The following TRIM36 variants were observed in gnomAD, a reference collection of about 807,000 sequenced individuals.
TRIM36 encodes tripartite motif containing 36, also known as E3 ubiquitin-protein ligase TRIM36.
Under a neutral mutation model 72.4 loss-of-function variants are expected in TRIM36, and 42 were observed. The ratio of observed to expected loss-of-function variants is 0.58; its 90% confidence interval spans 0.45 to 0.75. TRIM36 has a LOEUF of 0.75. Among genes scored for constraint, TRIM36 ranks in the 30% least tolerant of loss-of-function variants. The pLI, the probability that TRIM36 is intolerant of heterozygous loss-of-function variation, is 0.00. For synonymous variants in TRIM36, 315 were observed against 282.8 expected, an observed-to-expected ratio of 1.11 and a Z score of -1.14; for missense variants, 913 against 857.1, an observed-to-expected ratio of 1.07 and a Z score of -0.81.
chr5:115,143,137 G>A (rs1162259368), intron 4 of TRIM36, among the ~76,000 whole-genome samples: 3 of 142,128 alleles, frequency 2.1e-5, no homozygotes, highest in African/African-American at 8.0e-5. Context: ...CCAAGCCCAG[G>A]CAAAGAATCA....
rs115865524 is a variant in TRIM36, at chr5:115,166,688, G to A, written c.27+2920C>T. 9.8e-3 allele frequency among the ~76,000 whole-genome samples: 1,500 copies of A among 152,322 alleles called. 24 individuals are homozygous for A. Among genetic ancestry groups the A allele is most frequent in the African/African-American group, 0.034 (1,424 of 41,564 alleles). On this transcript the variant is annotated intron_variant, in intron 1 of 9. Transcript: ENST00000513154. ...TGCTGCTCGCCATGTTGTGGGTGAC[G>A]ATGAGGAGACAAGAGAGGAGAGAAG...
At chr5:115,159,734 T>C (rs563515152) in intron 2 of TRIM36, 1 of 434,822 alleles carries the variant, frequency 2.3e-6, no homozygotes, top group South Asian at 1.7e-5. Flanking sequence ...TCACAACTTG[T>C]TAACAAAAGA....
chr5:115,177,984 TA>T (rs1755422192), intron 1 of TRIM36: 1 of 1,117,454 alleles, frequency 8.9e-7, no homozygotes, highest in Non-Finnish European at 1.3e-6. Flanking sequence ...AACCCATTGG[TA>T]TTCTGAGAGG....
At position 115,151,359 on chromosome 5, in the gene TRIM36, G is replaced by A. The variant is rs552447890; in HGVS notation, c.263-3965C>T. ...CTGGAAACCTCATCCCCCAATCCCCGCAGCAGCTGCAGCAAGAGCTGCTCA... is the reference window on the plus strand; with the variant it reads ...CTGGAAACCTCATCCCCCAATCCCCACAGCAGCTGCAGCAAGAGCTGCTCA... On this transcript the variant is annotated intron_variant, in intron 2 of 9. Coordinates refer to ENST00000513154, the MANE Select transcript of TRIM36 (RefSeq NM_001300759.2). Among the ~76,000 whole-genome samples the A allele has an allele frequency of 5.9e-5, 9 of 152,190 alleles. No homozygotes were observed. In the South Asian group the frequency reaches 6.2e-4, roughly 11 times the overall value.
upstream of TRIM36, among the ~76,000 whole-genome samples, chr5:115,172,453 A>G (rs1272349625): frequency 6.6e-6 from 1 of 152,226 alleles, no homozygotes; most frequent in Non-Finnish European, 1.5e-5. Context: ...TTTCTAAAAT[A>G]TAATGTGTGC....
Position 115,169,633 on chromosome 5 carries a change from ATGGC to A in TRIM36, c.-3_1del. On this transcript the variant is annotated start_lost and start_retained_variant and 5_prime_UTR_variant, in exon 1 of 10. Transcript: ENST00000513154. ...CGGCGAATCTGAGCCATCGCCCTCC[ATGGC>A]TGCCTTCTGCCAGGTGTCATCAGCG... is the stretch of plus-strand genomic sequence containing the variant. 6.6e-7 allele frequency: 1 copy of A among 1,523,956 alleles called. No individual in the cohort carries two copies. Among genetic ancestry groups the A allele is most frequent in the Non-Finnish European group, 8.8e-7 (1 of 1,141,696 alleles). The allele number at this position is 1,523,956 out of a possible 1,614,324, so 94.4% of individuals were successfully genotyped here. A position where few individuals can be genotyped will look rare whatever the true frequency, so the allele number is the denominator to read the frequency against.
upstream of TRIM36, among the ~76,000 whole-genome samples, chr5:115,172,891 T>A (rs7737426): frequency 0.25 from 38,519 of 152,144 alleles, 5,045 homozygotes; most frequent in East Asian, 0.33. Flanking sequence ...TGGAGTTAGG[T>A]ATACAAGATT....
At chr5:115,128,474 C>T (rs553534095) in intron 9 of TRIM36, among the ~76,000 whole-genome samples, 84 of 151,474 alleles carry the variant, frequency 5.5e-4, no homozygotes, top group African/African-American at 1.8e-3. Flanking sequence ...AAGTTTAGGC[C>T]GGGCGCGGTG....
At chr5:115,152,165 T>C (rs1379826298) in intron 2 of TRIM36, among the ~76,000 whole-genome samples, 2 of 152,020 alleles carry the variant, frequency 1.3e-5, no homozygotes, top group African/African-American at 4.8e-5. Flanking sequence ...ATAGATAGCA[T>C]AAATAAAAAA....
chr5:115,148,263 T>C (rs537828980), intron 2 of TRIM36: 1 of 867,372 alleles, frequency 1.2e-6, no homozygotes, highest in Admixed American at 6.2e-5. Flanking sequence ...ATGAATGACC[T>C]TAAACATCAC....
At chr5:115,132,613 A>G (rs1171367548) in intron 8 of TRIM36, among the ~76,000 whole-genome samples, 2 of 151,052 alleles carry the variant, frequency 1.3e-5, no homozygotes, top group East Asian at 3.9e-4. Context: ...TGAGCTGACC[A>G]TTCTTCCTGC....
At chr5:115,145,405 AAAG>A (rs1411470571) in intron 3 of TRIM36, among the ~76,000 whole-genome samples, 5 of 152,230 alleles carry the variant, frequency 3.3e-5, no homozygotes, top group Non-Finnish European at 7.3e-5. Context: ...TTTTCATTTG[AAAG>A]AAAGGGGAGA....
chr5:115,150,292 T>G (rs544740245), intron 2 of TRIM36, among the ~76,000 whole-genome samples: 1 of 152,194 alleles, frequency 6.6e-6, no homozygotes, highest in Admixed American at 6.5e-5. Flanking sequence ...TCTGATACAG[T>G]AGCCATTAGC....
intron 2 of TRIM36, 121 bp from the exon 3 acceptor site, chr5:115,147,515 G>A: frequency 8.6e-7 from 1 of 1,163,902 alleles, no homozygotes; most frequent in Middle Eastern, 2.1e-4. Flanking sequence ...TATCCGAAGT[G>A]GCTCCACGTG....
Position 115,126,485 on chromosome 5 carries a change from T to C in TRIM36, c.*18A>G. On this transcript the variant is annotated 3_prime_UTR_variant, in exon 10 of 10. Transcript: ENST00000513154. Reference sequence around the variant, plus strand: ...CTTTGTTTACAGTTTTTATCCTGAGTCACATCAGATGTTTCAACTACATGT... The same window carrying C: ...CTTTGTTTACAGTTTTTATCCTGAGCCACATCAGATGTTTCAACTACATGT... 6.3e-7 allele frequency: 1 copy of C among 1,586,362 alleles called. No homozygotes were observed.
chr5:115,127,300 C>A (rs1214507066), intron 9 of TRIM36, among the ~76,000 whole-genome samples: 2 of 152,218 alleles, frequency 1.3e-5, no homozygotes, highest in African/African-American at 2.4e-5. Flanking sequence ...GTGGCTCATG[C>A]CTGTAATCCC....
chr5:115,171,142 G>A, upstream of TRIM36: 1 of 1,614,200 alleles, frequency 6.2e-7, no homozygotes, highest in Non-Finnish European at 8.5e-7. Context: ...TTCCTGTTTG[G>A]GAGAAGTCTG....
chr5:115,145,419 T>G (rs532061514), intron 3 of TRIM36, among the ~76,000 whole-genome samples: 1 of 152,314 alleles, frequency 6.6e-6, no homozygotes, highest in African/African-American at 2.4e-5. Context: ...AAAGGGGAGA[T>G]TCCTTTAAGT....
chr5:115,130,594 T>G lies in TRIM36; in HGVS notation c.1794A>C (p.Pro598=). Residue 598 remains proline, a splice_region_variant and synonymous_variant, in exon 9 of 10, where the codon CCA becomes CCC. Coordinates refer to ENST00000513154, the MANE Select transcript of TRIM36 (RefSeq NM_001300759.2). ...TCTAGATCAATACAAAAACCTACCT[T>G]GGACTAACTGCATCCCGGGGAGAAC... ...WLRSPRDAVS[P]RYEQDSGHDS... 6 of 1,613,218 alleles carry G rather than the reference T, an allele frequency of 3.7e-6. No homozygotes were observed. In the South Asian group the frequency reaches 6.6e-5, roughly 18 times the overall value.
Sources: allele counts gnomAD v4.1 joint callset (sites outside exome capture counted in the v4.1 genomes callset), GRCh38; gene constraint gnomAD v4.1.1; transcripts MANE v1.5; gene names NCBI Gene and HGNC (gene_info 2026-07-23, HGNC 2026-07-21).